Variants in RCOR3 observed in about 807,000 individuals in gnomAD.
RCOR3 encodes REST corepressor 3.
RCOR3 carries 13 observed loss-of-function variants against 64.1 expected under a neutral mutation model. The observed-to-expected ratio is 0.20, with a 90% CI of 0.13 to 0.32. The LOEUF is 0.32. RCOR3 is among the 10% of genes least tolerant of loss of function. The pLI, the probability that RCOR3 is intolerant of heterozygous loss-of-function variation, is 1.00. For synonymous variants in RCOR3, 215 were observed against 239.0 expected (o/e 0.90, Z 0.93); for missense variants, 489 against 701.2 (o/e 0.70, Z 3.42).
At chr1:211,287,916 A>T (rs1698745120) in intron 7 of RCOR3, among the ~76,000 whole-genome samples, 1 of 151,994 alleles carries the variant, frequency 6.6e-6, no homozygotes, top group Admixed American at 6.6e-5. Context: ...TTTCTAAGAA[A>T]TTGGAGTATT....
In RCOR3 at chr1:211,276,259, A is replaced by T; in HGVS notation, c.357A>T (p.Ala119=). The T allele has an allele frequency of 6.2e-7, 1 of 1,611,868 alleles. No individual in the cohort carries two copies. Among genetic ancestry groups the T allele is most frequent in the Non-Finnish European group, 8.5e-7 (1 of 1,178,816 alleles). ...KEKHGYNVEQ[A]LGMLFWHKHN... ...AGGGGAATGATTTCTCTTCAAAGGCACTTGGCATGTTGTTCTGGCATAAAC... is the reference window on the plus strand; with the variant it reads ...AGGGGAATGATTTCTCTTCAAAGGCTCTTGGCATGTTGTTCTGGCATAAAC... The change falls in exon 5 of 12, where the codon GCA becomes GCT. Residue 119 remains alanine (A), a splice_region_variant and synonymous_variant. Transcript: ENST00000419091.
chr1:211,288,595 TTTA>T lies in RCOR3; in HGVS notation c.721-577_721-575del, dbSNP rs912333193. On this transcript the variant is annotated intron_variant, in intron 7 of 11. Coordinates refer to ENST00000419091, the MANE Select transcript of RCOR3 (RefSeq NM_001136223.3). The stretch of plus-strand genomic sequence containing the variant: ...TATTATATTTATTTTATTTATTATA[TTTA>T]TTATTTATTTTATTTAATCATAGAT... Among the ~76,000 whole-genome samples, 248 of 147,892 alleles carry T rather than the reference TTTA, an allele frequency of 1.7e-3. 1 individual carries two copies. The highest frequency in any genetic ancestry group is 2.9e-3 in the Non-Finnish European group (197 of 67,044).
At position 211,304,113 on chromosome 1, in the gene RCOR3, A is replaced by G; in HGVS notation, c.1048A>G (p.Thr350Ala). Residue 350 changes from threonine to alanine, a missense_variant, in exon 10 of 12, where the codon ACA becomes GCA. Around this residue, in one of 2 missense-constraint regions of RCOR3, gnomAD observed 402 missense variants for 617.0 expected, o/e 0.65. Coordinates refer to ENST00000419091, the MANE Select transcript of RCOR3 (RefSeq NM_001136223.3). ...TCAGAAAATTAATGCCCGTTGGACCACAGAGGAGCAGCTTCTAGCAGTGCA... is the reference window on the plus strand; with the variant it reads ...TCAGAAAATTAATGCCCGTTGGACCGCAGAGGAGCAGCTTCTAGCAGTGCA... ...SNQKINARWT[T>A]EEQLLAVQGV... is the part of the protein sequence containing the mutation. The G allele has an allele frequency of 6.2e-7, 1 of 1,605,522 alleles. No individual in the cohort carries two copies. Among genetic ancestry groups the G allele is most frequent in the Admixed American group, 1.7e-5 (1 of 58,778 alleles).
intron 10 of RCOR3, among the ~76,000 whole-genome samples, chr1:211,308,038 G>A (rs1272711695): frequency 6.6e-6 from 1 of 152,124 alleles, no homozygotes; most frequent in Non-Finnish European, 1.5e-5. Flanking sequence ...TTGTAAAGGA[G>A]AAAAAGTAGA....
chr1:211,310,424 A>G (rs1268736469), intron 10 of RCOR3, among the ~76,000 whole-genome samples: 1 of 152,198 alleles, frequency 6.6e-6, no homozygotes, highest in African/African-American at 2.4e-5. Flanking sequence ...GCCAAACTAC[A>G]GAAGTCTACA....
chr1:211,304,105 G>A lies in RCOR3; in HGVS notation c.1040G>A (p.Arg347His), dbSNP rs1364088270. Residue 347 changes from arginine (R) to histidine (H), a missense_variant, in exon 10 of 12, where the codon CGT becomes CAT. Physicochemically the swap from Arg to His is conservative, Grantham distance 29. Coordinates refer to ENST00000419091, the MANE Select transcript of RCOR3 (RefSeq NM_001136223.3). The stretch of plus-strand genomic sequence containing the variant: ...TAGTCAAATCAGAAAATTAATGCCC[G>A]TTGGACCACAGAGGAGCAGCTTCTA... ...PPESNQKINA[R>H]WTTEEQLLAV... 3.1e-6 allele frequency: 5 copies of A among 1,604,798 alleles called. No individual in the cohort carries two copies. The highest frequency in any genetic ancestry group is 1.1e-5 in the South Asian group (1 of 89,474).
chr1:211,309,197 A>G (rs1435046458), intron 10 of RCOR3, among the ~76,000 whole-genome samples: 1 of 152,176 alleles, frequency 6.6e-6, no homozygotes, highest in Non-Finnish European at 1.5e-5. Flanking sequence ...AAACAAAAAA[A>G]TTGTATGGAC....
Position 211,313,723 on chromosome 1 carries a change from A to G in RCOR3, c.1617A>G (p.Pro539=), listed in dbSNP as rs1362804623. The G allele has an allele frequency of 1.2e-6, 2 of 1,614,116 alleles. No homozygotes were observed. The highest frequency in any genetic ancestry group is 2.7e-5 in the African/African-American group (2 of 74,936). ...VLSTVGGQQP[P]SLIGIQTDSQ... ...CCACGGTTGGTGGTCAACAGCCACC[A>G]TCACTTATTGGAATTCAGACAGATT... The change falls in exon 12 of 12, where the codon CCA becomes CCG. Residue 539 remains proline, a synonymous_variant. Coordinates refer to ENST00000419091, the MANE Select transcript of RCOR3 (RefSeq NM_001136223.3). The surrounding 1 kb of genome is among the most constrained non-coding windows in gnomAD (Gnocchi z 4.7).
intron 2 of RCOR3, among the ~76,000 whole-genome samples, chr1:211,268,616 A>G (rs1695637504): frequency 6.6e-6 from 1 of 151,886 alleles, no homozygotes; most frequent in Non-Finnish European, 1.5e-5. Flanking sequence ...ACCTCAGGTG[A>G]TCCGTCCACC....
At chr1:211,262,300 G>T (rs578248228) in intron 2 of RCOR3, among the ~76,000 whole-genome samples, 18 of 151,950 alleles carry the variant, frequency 1.2e-4, no homozygotes, top group Non-Finnish European at 2.2e-4. Flanking sequence ...CTCCCAAAGT[G>T]TTGGGATTAC....
At chr1:211,305,030 A>G (rs1321079767) in intron 10 of RCOR3, among the ~76,000 whole-genome samples, 1 of 152,126 alleles carries the variant, frequency 6.6e-6, no homozygotes, top group Non-Finnish European at 1.5e-5. Flanking sequence ...TGAAACATAT[A>G]AGCATACCTT....
chr1:211,297,650 C>T (rs1303318992), intron 9 of RCOR3, among the ~76,000 whole-genome samples: 1 of 152,072 alleles, frequency 6.6e-6, no homozygotes. Context: ...CATCCATATA[C>T]TGAAGTTTGG....
chr1:211,304,668 A>C (rs1028352489), intron 10 of RCOR3, among the ~76,000 whole-genome samples: 1 of 152,248 alleles, frequency 6.6e-6, no homozygotes, highest in Non-Finnish European at 1.5e-5. Flanking sequence ...TTTTTAAAGG[A>C]GACTTAAGAG....
At chr1:211,281,404 T>C (rs560657204) in intron 7 of RCOR3, among the ~76,000 whole-genome samples, 64 of 152,214 alleles carry the variant, frequency 4.2e-4, no homozygotes, top group Non-Finnish European at 8.1e-4. Flanking sequence ...GGTTCTCGTC[T>C]CCTCTGAATT....
intron 7 of RCOR3, among the ~76,000 whole-genome samples, chr1:211,286,376 C>T (rs866128131): frequency 2.7e-5 from 4 of 150,498 alleles, no homozygotes; most frequent in Non-Finnish European, 5.9e-5. Flanking sequence ...GGCGTGATCT[C>T]GGCTCACTGC....
rs1325944544 is a variant in RCOR3 at position 211,316,191 on chromosome 1, A to T, written c.*2423A>T. 3 of 152,196 alleles carry T rather than the reference A, an allele frequency of 2.0e-5. No homozygotes were observed. The highest frequency in any genetic ancestry group is 7.2e-5 in the African/African-American group (3 of 41,462). 9.4% of individuals were successfully genotyped at this position (152,196 alleles called of 1,614,324 possible). ...GAAATCTACACCAAAGTGGTTTTTT[A>T]AAATTACATAACTAAAAATAAACCA... is the stretch of plus-strand genomic sequence containing the variant. On this transcript the variant is annotated 3_prime_UTR_variant, in exon 12 of 12. Coordinates refer to ENST00000419091, the MANE Select transcript of RCOR3 (RefSeq NM_001136223.3).
intron 2 of RCOR3, among the ~76,000 whole-genome samples, chr1:211,260,571 G>C (rs1485525974): frequency 6.6e-6 from 1 of 152,062 alleles, no homozygotes. Context: ...CGAGGGCCGC[G>C]CTCTGTCGGG....
intron 9 of RCOR3, chr1:211,302,260 T>C (rs567792155): frequency 6.6e-6 from 1 of 152,312 alleles, no homozygotes; most frequent in Non-Finnish European, 1.5e-5. Flanking sequence ...CAAACCAAAA[T>C]GAAATTGCGT....
intron 7 of RCOR3, 34 bp from the exon 8 acceptor site, chr1:211,289,144 C>T (rs780219990): frequency 2.0e-5 from 30 of 1,528,480 alleles, no homozygotes; most frequent in Non-Finnish European, 5.4e-6. Context: ...TTGTGAAAAC[C>T]AAGTGACCTG....
Sources: allele counts gnomAD v4.1 joint callset (sites outside exome capture counted in the v4.1 genomes callset), GRCh38; gene constraint gnomAD v4.1.1; regional missense constraint gnomAD v4.1.1; non-coding constraint Gnocchi (gnomAD v3.1); transcripts MANE v1.5; gene names NCBI Gene and HGNC (gene_info 2026-07-23, HGNC 2026-07-21).